Variants in PRKN observed in about 807,000 individuals in gnomAD.
PRKN encodes the protein E3 ubiquitin-protein ligase parkin.
Under a neutral mutation model 59.5 loss-of-function variants are expected in PRKN, and 56 were observed. That is an observed-to-expected ratio of 0.94 (90% confidence interval 0.76 to 1.18). The LOEUF is 1.18. PRKN is among the 50% of genes most tolerant of loss of function. The pLI is 0.00. For missense variants in PRKN, 657 were observed against 596.4 expected, an observed-to-expected ratio of 1.10 and a Z score of -1.06; for synonymous variants, 250 against 222.1, an observed-to-expected ratio of 1.13 and a Z score of -1.12.
At chr6:162,613,237 C>A (rs578164095) in intron 1 of PRKN, among the ~76,000 whole-genome samples, 1 of 152,120 alleles carries the variant, frequency 6.6e-6, no homozygotes, top group Non-Finnish European at 1.5e-5. Flanking sequence ...CTTAGAAGCA[C>A]TGACATTAAA....
At chr6:162,563,041 G>A (rs1042298514) in intron 1 of PRKN, among the ~76,000 whole-genome samples, 5 of 152,274 alleles carry the variant, frequency 3.3e-5, no homozygotes, top group South Asian at 2.1e-4. Flanking sequence ...AGTGGCTCAC[G>A]CCTGTAATCC....
At position 161,462,053 on chromosome 6, in the gene PRKN, C is replaced by T. The variant is rs1790248984; in HGVS notation, c.1084-75176G>A. 6.6e-6 allele frequency among the ~76,000 whole-genome samples: 1 copy of T among 152,062 alleles called. No individual in the cohort carries two copies. Among genetic ancestry groups the T allele is most frequent in the African/African-American group, 2.4e-5 (1 of 41,392 alleles). On this transcript the variant is annotated intron_variant, in intron 9 of 11. Transcript: ENST00000366898. This position sits in a 1 kb window ranked among gnomAD's most constrained non-coding sequence, Gnocchi z 4.5. ...GCTGGAAAGGTGGGTGAGAAGGGCACCCACAAGCTAGCAGGGGAGGGAACA... is the reference window on the plus strand; with the variant it reads ...GCTGGAAAGGTGGGTGAGAAGGGCATCCACAAGCTAGCAGGGGAGGGAACA...
intron 3 of PRKN, among the ~76,000 whole-genome samples, chr6:162,246,632 A>G (rs1779209428): frequency 1.3e-5 from 2 of 152,112 alleles, no homozygotes; most frequent in South Asian, 4.1e-4. Flanking sequence ...TGGGTTTAAG[A>G]AAGGAAAAAC....
intron 1 of PRKN, among the ~76,000 whole-genome samples, chr6:162,668,299 A>C (rs974651262): frequency 6.6e-6 from 1 of 152,248 alleles, no homozygotes; most frequent in African/African-American, 2.4e-5. Flanking sequence ...AGAGAGATTT[A>C]CATGAGAAAA....
intron 1 of PRKN, among the ~76,000 whole-genome samples, chr6:162,637,578 C>T (rs559883165): frequency 9.0e-4 from 137 of 152,202 alleles, no homozygotes; most frequent in African/African-American, 3.2e-3. Context: ...TCCTTCTATC[C>T]ACACAGAATT....
At chr6:162,380,876 T>C (rs1363098632) in intron 2 of PRKN, among the ~76,000 whole-genome samples, 1 of 152,120 alleles carries the variant, frequency 6.6e-6, no homozygotes, top group Non-Finnish European at 1.5e-5. Flanking sequence ...TCACTGGACC[T>C]ATGGGCAGTC....
At chr6:162,502,014 G>A (rs1238998309) in intron 1 of PRKN, among the ~76,000 whole-genome samples, 1 of 152,186 alleles carries the variant, frequency 6.6e-6, no homozygotes, top group Non-Finnish European at 1.5e-5. Flanking sequence ...GAATGGCAAA[G>A]AGGAAGACCA....
At chr6:162,354,734 A>G (rs1451907429) in intron 2 of PRKN, among the ~76,000 whole-genome samples, 1 of 152,082 alleles carries the variant, frequency 6.6e-6, no homozygotes, top group African/African-American at 2.4e-5. Context: ...TCCTCTGGAC[A>G]GTGCTATCCT....
chr6:162,514,802 A>T (rs1357855182), intron 1 of PRKN, among the ~76,000 whole-genome samples: 1 of 152,170 alleles, frequency 6.6e-6, no homozygotes, highest in Non-Finnish European at 1.5e-5. Flanking sequence ...CCTGATGACT[A>T]AAACCATCAA....
chr6:161,902,550 T>TATCTATA (rs1554245408), intron 6 of PRKN, among the ~76,000 whole-genome samples: 1 of 101,360 alleles, frequency 9.9e-6, no homozygotes, highest in African/African-American at 3.4e-5. Flanking sequence ...ATCTATCTAT[T>TATCTATA]TATTTATTTA....
At chr6:161,449,469 C>A (rs772956298) in intron 9 of PRKN, among the ~76,000 whole-genome samples, 3 of 152,206 alleles carry the variant, frequency 2.0e-5, no homozygotes, top group Admixed American at 6.5e-5. Context: ...GAAGGTAACT[C>A]TGAACGTACT....
At chr6:161,887,642 T>C (rs988024506) in intron 6 of PRKN, among the ~76,000 whole-genome samples, 2 of 152,194 alleles carry the variant, frequency 1.3e-5, no homozygotes, top group Non-Finnish European at 1.5e-5. Context: ...ACAAATATCT[T>C]TACTCTGAAA....
At chr6:162,100,252 T>C (rs1028741717) in intron 4 of PRKN, among the ~76,000 whole-genome samples, 9 of 152,134 alleles carry the variant, frequency 5.9e-5, no homozygotes, top group African/African-American at 9.7e-5. Flanking sequence ...AGTGCAGACA[T>C]CCCTTGACAT....
chr6:161,748,259 T>C (rs767407458), intron 7 of PRKN, among the ~76,000 whole-genome samples: 1 of 152,120 alleles, frequency 6.6e-6, no homozygotes, highest in Non-Finnish European at 1.5e-5. Context: ...TATTCAAAAA[T>C]GTCAGTAAAT....
At chr6:161,905,591 CT>C (rs1479333381) in intron 6 of PRKN, among the ~76,000 whole-genome samples, 2 of 152,098 alleles carry the variant, frequency 1.3e-5, no homozygotes, top group East Asian at 3.9e-4. Flanking sequence ...CGCTTCCAAG[CT>C]GTCTTTCTGG....
At chr6:162,044,006 C>T (rs1218122557) in intron 5 of PRKN, among the ~76,000 whole-genome samples, 1 of 152,160 alleles carries the variant, frequency 6.6e-6, no homozygotes, top group East Asian at 1.9e-4. Context: ...TCTAAACGAA[C>T]ATCTCATTTG....
At chr6:162,143,790 T>C (rs1781886043) in intron 4 of PRKN, among the ~76,000 whole-genome samples, 1 of 152,150 alleles carries the variant, frequency 6.6e-6, no homozygotes, top group Non-Finnish European at 1.5e-5. Context: ...GAATTGAGTC[T>C]TGAAAAATGA....
intron 6 of PRKN, among the ~76,000 whole-genome samples, chr6:161,844,006 A>G (rs1793097876): frequency 6.6e-6 from 1 of 152,124 alleles, no homozygotes; most frequent in Admixed American, 6.5e-5. Flanking sequence ...CTTTCTGCCT[A>G]CGTGAAGATG....
chr6:161,886,503 C>A (rs766431695), intron 6 of PRKN, among the ~76,000 whole-genome samples: 64 of 152,146 alleles, frequency 4.2e-4, no homozygotes, highest in Non-Finnish European at 7.5e-4. Context: ...TTGAGACCAG[C>A]CTGACCAACA....
Sources: allele counts gnomAD v4.1 joint callset (sites outside exome capture counted in the v4.1 genomes callset), GRCh38; gene constraint gnomAD v4.1.1; non-coding constraint Gnocchi (gnomAD v3.1); transcripts MANE v1.5; gene names NCBI Gene and HGNC (gene_info 2026-07-23, HGNC 2026-07-21).